Variants in PPARGC1A observed in about 807,000 individuals in gnomAD.
PPARGC1A encodes the protein peroxisome proliferator-activated receptor gamma coactivator 1-alpha.
PPARGC1A carries 25 observed loss-of-function variants against 88.7 expected under a neutral mutation model. The observed-to-expected ratio is 0.28, with a 90% confidence interval of 0.21 to 0.39. The LOEUF is 0.39. PPARGC1A is among the 10% of genes least tolerant of loss of function. The probability of loss-of-function intolerance (pLI) is 1.00; values close to 1 mark genes in which losing one functional copy is unlikely to be tolerated. For synonymous variants in PPARGC1A, 363 were observed against 355.6 expected (o/e 1.02, Z -0.24); for missense variants, 880 against 968.7 (o/e 0.91, Z 1.22).
the PPARGC1A span, among the ~76,000 whole-genome samples, chr4:23,979,719 TC>T: frequency 1.3e-5 from 2 of 152,152 alleles, no homozygotes; most frequent in East Asian, 3.9e-4. Flanking sequence ...GTGCCATGGA[TC>T]CTGGCTGTGC....
chr4:24,013,771 G>C, the PPARGC1A span, among the ~76,000 whole-genome samples: 1 of 152,150 alleles, frequency 6.6e-6, no homozygotes, highest in African/African-American at 2.4e-5. Flanking sequence ...CCCATGCCTG[G>C]ACGTTTAGTC....
At chr4:23,990,956 C>T in the PPARGC1A span, among the ~76,000 whole-genome samples, 35 of 152,144 alleles carry the variant, frequency 2.3e-4, no homozygotes, top group African/African-American at 7.7e-4. Flanking sequence ...AGTATCTAAA[C>T]AGCTCACCCT....
At chr4:24,323,960 T>C in the PPARGC1A span, among the ~76,000 whole-genome samples, 1 of 152,136 alleles carries the variant, frequency 6.6e-6, no homozygotes, top group Non-Finnish European at 1.5e-5. Context: ...ATCTCTCTCT[T>C]CTCTTAATTT....
chr4:23,919,349 A>C, the PPARGC1A span, among the ~76,000 whole-genome samples: 1 of 152,116 alleles, frequency 6.6e-6, no homozygotes, highest in African/African-American at 2.4e-5. Context: ...TACCACATGC[A>C]CAACTTTGGA....
chr4:24,162,830 G>A, the PPARGC1A span, among the ~76,000 whole-genome samples: 7 of 151,852 alleles, frequency 4.6e-5, no homozygotes, highest in Non-Finnish European at 1.0e-4. Context: ...CTGACCTCAG[G>A]TGATCCACCC....
the PPARGC1A span, among the ~76,000 whole-genome samples, chr4:24,044,267 G>A: frequency 2.6e-5 from 4 of 152,224 alleles, no homozygotes; most frequent in South Asian, 4.1e-4. Flanking sequence ...CAAATGAGAC[G>A]CCACTTTGTC....
the PPARGC1A span, among the ~76,000 whole-genome samples, chr4:24,168,234 T>A: frequency 6.6e-6 from 1 of 152,174 alleles, no homozygotes. Context: ...ATCTGCAACA[T>A]CTCCATGGAA....
intron 2 of PPARGC1A, among the ~76,000 whole-genome samples, chr4:23,877,343 C>G (rs1714923709): frequency 7.2e-6 from 1 of 139,648 alleles, no homozygotes; most frequent in South Asian, 2.3e-4. Context: ...GGGGAAACCC[C>G]GTCTCTACTA....
chr4:24,326,757 T>C, the PPARGC1A span, among the ~76,000 whole-genome samples: 1 of 152,196 alleles, frequency 6.6e-6, no homozygotes, highest in Non-Finnish European at 1.5e-5. Flanking sequence ...TTTAGTGCGG[T>C]CAGAATTCTT....
At chr4:24,305,133 G>GTATGTATATA in the PPARGC1A span, among the ~76,000 whole-genome samples, 7 of 142,912 alleles carry the variant, frequency 4.9e-5, no homozygotes, top group Admixed American at 4.9e-4. Flanking sequence ...ATATGTGTAT[G>GTATGTATATA]TATATATATA....
At chr4:24,005,910 T>G in the PPARGC1A span, among the ~76,000 whole-genome samples, 1 of 152,136 alleles carries the variant, frequency 6.6e-6, no homozygotes, top group Non-Finnish European at 1.5e-5. Context: ...CTTGGCGACA[T>G]GTAATGCACT....
chr4:23,824,360 GAT>G lies in PPARGC1A; in HGVS notation c.804-9_804-8del. ...TGGGGAACCCTTGGGGTCACTGGAA[GAT>G]ATGGCACATTTATAAAAACAAACTG... On this transcript the variant is annotated splice_polypyrimidine_tract_variant and splice_region_variant and intron_variant, in intron 6 of 12. Coordinates refer to ENST00000264867, the MANE Select transcript of PPARGC1A (RefSeq NM_013261.5). 6.2e-7 allele frequency: 1 copy of G among 1,613,166 alleles called. No homozygotes were observed. Among genetic ancestry groups the G allele is most frequent in the Non-Finnish European group, 8.5e-7 (1 of 1,179,368 alleles).
At chr4:23,966,802 C>T in the PPARGC1A span, among the ~76,000 whole-genome samples, 157 of 152,258 alleles carry the variant, frequency 1.0e-3, no homozygotes, top group Non-Finnish European at 2.0e-3. Context: ...TATGCCTCAA[C>T]CATTACAGCA....
upstream of PPARGC1A, among the ~76,000 whole-genome samples, chr4:23,892,641 C>A (rs980105437): frequency 4.7e-5 from 7 of 149,734 alleles, no homozygotes; most frequent in African/African-American, 1.5e-4. Flanking sequence ...CTATTTAATT[C>A]TCTCTCTGCT....
the PPARGC1A span, among the ~76,000 whole-genome samples, chr4:24,387,766 G>GAGAAAGAA: frequency 2.8e-3 from 148 of 52,032 alleles, 2 homozygotes; most frequent in East Asian, 0.017. Context: ...GAGAGAGAGA[G>GAGAAAGAA]AGAAAGAAAG....
chr4:23,975,918 A>G, the PPARGC1A span, among the ~76,000 whole-genome samples: 1 of 152,232 alleles, frequency 6.6e-6, no homozygotes, highest in Admixed American at 6.5e-5. Flanking sequence ...GTACACAAAT[A>G]ACCATAGTAA....
At chr4:24,178,429 C>T in the PPARGC1A span, among the ~76,000 whole-genome samples, 4 of 151,914 alleles carry the variant, frequency 2.6e-5, no homozygotes, top group African/African-American at 4.8e-5. Context: ...CATGGGGCTA[C>T]ACAGCAGAAA....
upstream of PPARGC1A, chr4:23,890,171 G>T (rs1397742454): frequency 9.8e-6 from 10 of 1,020,206 alleles, no homozygotes; most frequent in Non-Finnish European, 1.3e-5. Context: ...GCTCTAACTC[G>T]TGACGTCACT....
At chr4:24,438,060 G>C in the PPARGC1A span, among the ~76,000 whole-genome samples, 1 of 152,160 alleles carries the variant, frequency 6.6e-6, no homozygotes, top group Non-Finnish European at 1.5e-5. Flanking sequence ...AGGAGGGACA[G>C]ATCCAGCAAG....
Sources: gnomAD v4.1 joint callset for allele counts (sites outside exome capture counted in the v4.1 genomes callset) on GRCh38, gnomAD v4.1.1 for gene constraint, MANE v1.5 for transcripts, NCBI Gene and HGNC (gene_info 2026-07-23, HGNC 2026-07-21) for gene names.